Variants in TRMT9B observed in about 807,000 individuals in gnomAD.
TRMT9B encodes the protein probable tRNA methyltransferase 9B.
In TRMT9B, 16 loss-of-function variants were observed where a neutral mutation model predicts 11.5. That is an observed-to-expected ratio of 1.39 (90% confidence interval 0.94 to 2.11). The LOEUF is 2.11. Ranked by LOEUF, TRMT9B falls within the 30% of genes most tolerant of loss-of-function variation. The probability of loss-of-function intolerance (pLI) is 0.00; values close to 1 mark genes in which losing one functional copy is unlikely to be tolerated. For missense variants in TRMT9B, 941 were observed against 553.8 expected, an observed-to-expected ratio of 1.70 and a Z score of -7.02; for synonymous variants, 274 against 192.4, an observed-to-expected ratio of 1.42 and a Z score of -3.51.
At chr8:13,016,819 T>A (rs1308487132) in intron 4 of TRMT9B, among the ~76,000 whole-genome samples, 1 of 149,408 alleles carries the variant, frequency 6.7e-6, no homozygotes, top group Non-Finnish European at 1.5e-5. Flanking sequence ...CAACTGGATA[T>A]GTTTATGTAT....
chr8:13,005,000 C>A (rs1490559355), intron 2 of TRMT9B, among the ~76,000 whole-genome samples: 1 of 151,286 alleles, frequency 6.6e-6, no homozygotes, highest in Non-Finnish European at 1.5e-5. Flanking sequence ...CTGCCCACGG[C>A]CTGGGGGAAC....
At chr8:13,014,092 C>G (rs890045458) in intron 4 of TRMT9B, among the ~76,000 whole-genome samples, 1 of 152,110 alleles carries the variant, frequency 6.6e-6, no homozygotes, top group African/African-American at 2.4e-5. Flanking sequence ...ATTGATTTAT[C>G]CAACATTAGG....
chr8:13,004,688 C>G, intron 2 of TRMT9B, among the ~76,000 whole-genome samples: 1 of 152,026 alleles, frequency 6.6e-6, no homozygotes, highest in Non-Finnish European at 1.5e-5. Context: ...CGCTGTGGGC[C>G]TTGGGTGAGA....
intron 1 of TRMT9B, among the ~76,000 whole-genome samples, chr8:12,982,574 A>C (rs574958088): frequency 6.6e-6 from 1 of 152,200 alleles, no homozygotes; most frequent in South Asian, 2.1e-4. Flanking sequence ...AGATGGGAAC[A>C]TCACTGGAAC....
intron 1 of TRMT9B, among the ~76,000 whole-genome samples, chr8:12,990,545 C>T (rs1447909342): frequency 2.0e-5 from 3 of 152,154 alleles, no homozygotes; most frequent in Non-Finnish European, 2.9e-5. Flanking sequence ...CCCCTGGAAT[C>T]AGAGATGACT....
intron 1 of TRMT9B, among the ~76,000 whole-genome samples, chr8:12,980,204 TCCACAGGAAAATTCCTCC>T (rs1805134353): frequency 6.6e-6 from 1 of 152,034 alleles, no homozygotes. Flanking sequence ...CTTTGAATTC[TCCACAGGAAAATTCCTCC>T]TTGCCTCCTC....
At chr8:13,019,737 A>G (rs1319341974) in intron 4 of TRMT9B, among the ~76,000 whole-genome samples, 2 of 152,232 alleles carry the variant, frequency 1.3e-5, no homozygotes, top group Non-Finnish European at 1.5e-5. Context: ...CAAATGAGCC[A>G]TATTAAAGGA....
At chr8:13,012,619 AGACAAAT>A in intron 3 of TRMT9B, 58 bp from the exon 4 acceptor site, 1 of 1,500,218 alleles carries the variant, frequency 6.7e-7, no homozygotes, top group South Asian at 1.3e-5. Flanking sequence ...TCTTGTTATG[AGACAAAT>A]GAAGTATTTC....
At chr8:12,992,061 A>G (rs1286900495) in intron 2 of TRMT9B, among the ~76,000 whole-genome samples, 1 of 152,192 alleles carries the variant, frequency 6.6e-6, no homozygotes, top group African/African-American at 2.4e-5. Flanking sequence ...TTTATAACCA[A>G]AGAGTCAAGG....
chr8:13,001,281 G>C (rs1431768580), intron 2 of TRMT9B, among the ~76,000 whole-genome samples: 1 of 152,166 alleles, frequency 6.6e-6, no homozygotes, highest in Non-Finnish European at 1.5e-5. Context: ...CCATGGACTG[G>C]TTCCCTGTAG....
At chr8:13,009,843 G>C (rs2954191) in intron 3 of TRMT9B, among the ~76,000 whole-genome samples, 3 of 151,850 alleles carry the variant, frequency 2.0e-5, no homozygotes, top group Non-Finnish European at 4.4e-5. Context: ...TTACACTACA[G>C]ATAGGCCAGG....
At chr8:13,017,146 C>G (rs904737761) in intron 4 of TRMT9B, among the ~76,000 whole-genome samples, 1 of 151,834 alleles carries the variant, frequency 6.6e-6, no homozygotes, top group Non-Finnish European at 1.5e-5. Flanking sequence ...ATTATCTAGC[C>G]CAAAATGTCA....
chr8:13,013,334 T>G (rs768254857), intron 4 of TRMT9B, among the ~76,000 whole-genome samples: 9 of 152,142 alleles, frequency 5.9e-5, no homozygotes, highest in Non-Finnish European at 1.2e-4. Flanking sequence ...ATGGAGAAGG[T>G]AGGTCCCATC....
chr8:13,012,618 G>A (rs1290388955), intron 3 of TRMT9B, 66 bp from the exon 4 acceptor site: 2 of 1,496,728 alleles, frequency 1.3e-6, no homozygotes, highest in African/African-American at 1.4e-5. Flanking sequence ...TTCTTGTTAT[G>A]AGACAAATGA....
chr8:12,950,320 G>T (rs564038482), intron 1 of TRMT9B, among the ~76,000 whole-genome samples: 1 of 152,158 alleles, frequency 6.6e-6, no homozygotes, highest in Non-Finnish European at 1.5e-5. Flanking sequence ...GTATTTATCA[G>T]GTCCTACTAT....
chr8:12,978,046 T>C (rs1343821312), intron 1 of TRMT9B, among the ~76,000 whole-genome samples: 1 of 151,900 alleles, frequency 6.6e-6, no homozygotes, highest in African/African-American at 2.4e-5. Context: ...AGTAGATGGA[T>C]AGTGTGGAGT....
intron 2 of TRMT9B, among the ~76,000 whole-genome samples, chr8:13,000,408 C>T (rs867861061): frequency 6.6e-6 from 1 of 152,172 alleles, no homozygotes; most frequent in Non-Finnish European, 1.5e-5. Flanking sequence ...AGGCCACTAA[C>T]TCTCCTGTTA....
intron 4 of TRMT9B, among the ~76,000 whole-genome samples, chr8:13,018,965 G>A (rs1813315803): frequency 6.6e-6 from 1 of 152,128 alleles, no homozygotes; most frequent in African/African-American, 2.4e-5. Flanking sequence ...CTTGATTACA[G>A]TATTAGAGTT....
At chr8:12,950,667 C>T (rs1563295904) in intron 1 of TRMT9B, among the ~76,000 whole-genome samples, 1 of 152,120 alleles carries the variant, frequency 6.6e-6, no homozygotes, top group Non-Finnish European at 1.5e-5. Context: ...TCCACCCCAC[C>T]CAATATACTG....
Sources: allele counts gnomAD v4.1 joint callset (sites outside exome capture counted in the v4.1 genomes callset), GRCh38; gene constraint gnomAD v4.1.1; transcripts MANE v1.5; gene names NCBI Gene and HGNC (gene_info 2026-07-23, HGNC 2026-07-21).